The following DAAM1 variants were observed in gnomAD, a reference collection of about 807,000 sequenced individuals.
The protein encoded by DAAM1 is disheveled-associated activator of morphogenesis 1.
DAAM1 carries 52 observed loss-of-function variants against 130.0 expected under a neutral mutation model. The observed-to-expected ratio is 0.40, with a 90% CI of 0.32 to 0.50. The LOEUF (loss-of-function observed/expected upper bound fraction) is 0.50, where lower values mean the gene tolerates loss of function less well. Among genes scored for constraint, DAAM1 ranks in the 20% least tolerant of loss-of-function variants. DAAM1 has a pLI of 0.61. For synonymous variants in DAAM1, 452 were observed against 444.5 expected (o/e 1.02, Z -0.21); for missense variants, 1,134 against 1,303.8 (o/e 0.87, Z 2.01).
chr14:59,208,179 G>C (rs1423558062), intron 1 of DAAM1, among the ~76,000 whole-genome samples: 1 of 152,004 alleles, frequency 6.6e-6, no homozygotes, highest in African/African-American at 2.4e-5. Flanking sequence ...TTTATACATG[G>C]TACTGAGAAA....
chr14:59,334,311 C>A (rs1040324234), intron 15 of DAAM1, among the ~76,000 whole-genome samples: 12 of 152,150 alleles, frequency 7.9e-5, no homozygotes, highest in African/African-American at 2.7e-4. Flanking sequence ...TATCTCATGA[C>A]CAATGGAAAT....
At chr14:59,272,748 T>A (rs1234178973) in intron 2 of DAAM1, among the ~76,000 whole-genome samples, 1 of 152,030 alleles carries the variant, frequency 6.6e-6, no homozygotes, top group African/African-American at 2.4e-5. Context: ...AGGAAAATGC[T>A]CAGAACAGTG....
At chr14:59,266,536 T>A (rs1882450845) in intron 2 of DAAM1, among the ~76,000 whole-genome samples, 1 of 152,224 alleles carries the variant, frequency 6.6e-6, no homozygotes, top group Non-Finnish European at 1.5e-5. Flanking sequence ...CTGCTAGTTG[T>A]GAGAAAGCCA....
At chr14:59,200,060 G>A (rs958272965) in intron 1 of DAAM1, among the ~76,000 whole-genome samples, 5 of 152,212 alleles carry the variant, frequency 3.3e-5, no homozygotes, top group African/African-American at 4.8e-5. Context: ...TATTTGGGCA[G>A]TTGGTTAGAG....
chr14:59,284,269 GA>G (rs985026106), intron 2 of DAAM1, among the ~76,000 whole-genome samples: 17 of 151,968 alleles, frequency 1.1e-4, no homozygotes, highest in Non-Finnish European at 1.9e-4. Flanking sequence ...AATCAAAGGG[GA>G]AAAAAATGAG....
chr14:59,322,806 C>G, intron 5 of DAAM1, 86 bp from the exon 6 acceptor site: 2 of 1,116,550 alleles, frequency 1.8e-6, no homozygotes, highest in Non-Finnish European at 2.6e-6. Context: ...CTAAATCTTT[C>G]TTTCCCCTGC....
intron 11 of DAAM1, 98 bp from the exon 12 acceptor site, chr14:59,326,835 T>C (rs1285200503): frequency 1.5e-5 from 24 of 1,553,790 alleles, no homozygotes; most frequent in Non-Finnish European, 2.1e-5. Flanking sequence ...CACTGAGGAT[T>C]TTCTCTGCAG....
At chr14:59,350,672 C>T (rs1398106217) in intron 17 of DAAM1, among the ~76,000 whole-genome samples, 2 of 152,076 alleles carry the variant, frequency 1.3e-5, no homozygotes, top group Admixed American at 6.6e-5. Flanking sequence ...GGGGACACTG[C>T]GGGGCCCTCA....
chr14:59,360,928 C>T (rs1043336774), intron 22 of DAAM1, 66 bp downstream of exon 22: 4 of 1,459,410 alleles, frequency 2.7e-6, no homozygotes, highest in Non-Finnish European at 2.9e-6. Flanking sequence ...TGGTGGTTTT[C>T]AGCAGATGGG....
chr14:59,195,253 C>T (rs1032270524), intron 1 of DAAM1, among the ~76,000 whole-genome samples: 8 of 151,096 alleles, frequency 5.3e-5, no homozygotes, highest in Non-Finnish European at 1.0e-4. Context: ...ACGCCATTCT[C>T]CTGCCTCAGC....
intron 17 of DAAM1, among the ~76,000 whole-genome samples, chr14:59,351,063 C>A (rs181172840): frequency 9.2e-5 from 14 of 152,246 alleles, no homozygotes; most frequent in Admixed American, 2.6e-4. Flanking sequence ...CATCCCGGCC[C>A]ACCCTACCTC....
intron 1 of DAAM1, among the ~76,000 whole-genome samples, chr14:59,202,127 C>G (rs944037573): frequency 1.3e-5 from 2 of 152,188 alleles, no homozygotes; most frequent in African/African-American, 4.8e-5. Context: ...CTTTTCTTAG[C>G]CTTCCTTCTA....
At chr14:59,207,619 A>G (rs981687234) in intron 1 of DAAM1, among the ~76,000 whole-genome samples, 1 of 152,236 alleles carries the variant, frequency 6.6e-6, no homozygotes, top group Admixed American at 6.5e-5. Context: ...GCTTGTTGAG[A>G]GAGTAAGAGT....
chr14:59,244,864 G>A (rs1361733653), intron 1 of DAAM1, among the ~76,000 whole-genome samples: 1 of 152,162 alleles, frequency 6.6e-6, no homozygotes, highest in African/African-American at 2.4e-5. Context: ...CAGTGAGGTG[G>A]GGCAGTGTTT....
At chr14:59,271,645 A>G (rs1304307875) in intron 2 of DAAM1, among the ~76,000 whole-genome samples, 2 of 152,184 alleles carry the variant, frequency 1.3e-5, no homozygotes, top group East Asian at 1.9e-4. Flanking sequence ...CAGGAACCCA[A>G]ATGAGTCCTA....
chr14:59,238,260 A>G (rs1474374130), intron 1 of DAAM1, among the ~76,000 whole-genome samples: 1 of 152,164 alleles, frequency 6.6e-6, no homozygotes, highest in Non-Finnish European at 1.5e-5. Context: ...CTTCCGCTCC[A>G]CTAAGACCTA....
chr14:59,352,650 G>A lies in DAAM1; in HGVS notation c.2267+18G>A. On this transcript the variant is annotated intron_variant, in intron 18 of 24. Transcript: ENST00000360909. ...ATGAGCCGGTGAGTTTGAAAATGCT[G>A]GGAATGTGAAGATGTCACTTCCCTT... 6.3e-7 allele frequency: 1 copy of A among 1,599,836 alleles called. No individual in the cohort carries two copies.
At chr14:59,194,589 A>G (rs1285355534) in intron 1 of DAAM1, among the ~76,000 whole-genome samples, 1 of 152,190 alleles carries the variant, frequency 6.6e-6, no homozygotes, top group East Asian at 1.9e-4. Context: ...GAGGGCCCAT[A>G]ATTTCTCAGC....
At chr14:59,284,902 G>A (rs913882266) in intron 2 of DAAM1, among the ~76,000 whole-genome samples, 26 of 152,092 alleles carry the variant, frequency 1.7e-4, no homozygotes, top group African/African-American at 5.8e-4. Context: ...TGTAGTCAAC[G>A]AAAATTTCCC....
Sources: gnomAD v4.1 joint callset for allele counts (sites outside exome capture counted in the v4.1 genomes callset) on GRCh38, gnomAD v4.1.1 for gene constraint, MANE v1.5 for transcripts, NCBI Gene and HGNC (gene_info 2026-07-23, HGNC 2026-07-21) for gene names.